UBLCP1: variants seen among roughly 807,000 people sequenced by gnomAD.
UBLCP1 encodes the protein ubiquitin like domain containing CTD phosphatase 1, also known as ubiquitin-like domain-containing CTD phosphatase 1.
Under a neutral mutation model 42.4 loss-of-function variants are expected in UBLCP1, and 28 were observed. That is an observed-to-expected ratio of 0.66 (90% CI 0.49 to 0.90). The LOEUF (loss-of-function observed/expected upper bound fraction) is 0.90, where lower values mean the gene tolerates loss of function less well. UBLCP1 is among the 40% of genes least tolerant of loss of function. The probability of loss-of-function intolerance (pLI) is 0.00; values close to 1 mark genes in which losing one functional copy is unlikely to be tolerated. For synonymous variants in UBLCP1, 122 were observed against 120.8 expected (o/e 1.01, Z -0.07); for missense variants, 279 against 374.5 (o/e 0.75, Z 2.10).
chr5:159,278,596 G>A (rs947178576), intron 9 of UBLCP1, among the ~76,000 whole-genome samples: 11 of 151,826 alleles, frequency 7.2e-5, no homozygotes, highest in East Asian at 5.8e-4. Flanking sequence ...TTTTTGAGAC[G>A]GGATCTCACT....
At chr5:159,280,507 T>G (rs1753595671) in intron 9 of UBLCP1, among the ~76,000 whole-genome samples, 1 of 152,206 alleles carries the variant, frequency 6.6e-6, no homozygotes. Context: ...TTCGCCATGT[T>G]GCCTAGGCTG....
In UBLCP1 at chr5:159,285,461, A is replaced by AT. The variant is rs895501067; in HGVS notation, c.*536dup. The AT allele has an allele frequency of 1.3e-5, 2 of 152,942 alleles. No homozygotes were observed. Among genetic ancestry groups the AT allele is most frequent in the African/African-American group, 4.8e-5 (2 of 41,412 alleles). 9.5% of individuals were successfully genotyped at this position (152,942 alleles called of 1,614,324 possible). On this transcript the variant is annotated 3_prime_UTR_variant, in exon 11 of 11. Transcript: ENST00000296786. ...TTTGCTATGCTTAAAATTACCAAGA[A>AT]TTTTTTATTTCTTTGTCATAGACAC...
intron 6 of UBLCP1, among the ~76,000 whole-genome samples, chr5:159,272,998 C>A (rs1487100934): frequency 6.6e-6 from 1 of 152,152 alleles, no homozygotes; most frequent in African/African-American, 2.4e-5. Context: ...TAAATGAAGT[C>A]CCATCAAGTA....
chr5:159,269,184 A>G (rs1328625844), intron 2 of UBLCP1, 115 bp downstream of exon 2: 2 of 752,960 alleles, frequency 2.7e-6, no homozygotes, highest in Admixed American at 8.5e-5. Context: ...TAGTTTAGTA[A>G]GTCTCTCCCT....
chr5:159,265,632 G>T (rs949145974), intron 1 of UBLCP1, among the ~76,000 whole-genome samples: 1 of 152,146 alleles, frequency 6.6e-6, no homozygotes, highest in Non-Finnish European at 1.5e-5. Context: ...CATGGGGGCC[G>T]ATTTTTCCCG....
chr5:159,285,908 T>A lies in UBLCP1; in HGVS notation c.*977T>A, dbSNP rs1201066688. Reference sequence around the variant, plus strand: ...CAGATACGTAATGTGACCACTGTTTTGTGTTGACAATATTGCTTTATACAG... The same window carrying A: ...CAGATACGTAATGTGACCACTGTTTAGTGTTGACAATATTGCTTTATACAG... On this transcript the variant is annotated 3_prime_UTR_variant, in exon 11 of 11. Transcript: ENST00000296786. 1.3e-5 allele frequency: 2 copies of A among 152,788 alleles called. No individual in the cohort carries two copies. The highest frequency in any genetic ancestry group is 2.9e-5 in the Non-Finnish European group (2 of 68,030). 9.5% of individuals were successfully genotyped at this position (152,788 alleles called of 1,614,324 possible). A position where few individuals can be genotyped will look rare whatever the true frequency, so the allele number is the denominator to read the frequency against.
chr5:159,285,751 C>A lies in UBLCP1; in HGVS notation c.*820C>A, dbSNP rs1157363882. On this transcript the variant is annotated 3_prime_UTR_variant, in exon 11 of 11. Transcript: ENST00000296786. ...TTTTAAAAGGGACATATCACTGATT[C>A]ATTCCTAAAAAGCATGAACAAAAAG... 1.3e-5 allele frequency: 2 copies of A among 152,650 alleles called. No homozygotes were observed. Among genetic ancestry groups the A allele is most frequent in the Admixed American group, 1.3e-4 (2 of 15,272 alleles). The allele number at this position is 152,650 out of a possible 1,614,324, so 9.5% of individuals were successfully genotyped here.
At position 159,283,909 on chromosome 5, in the gene UBLCP1, G is replaced by A. The variant is rs532828386; in HGVS notation, c.929+570G>A. ...AATGTTTGCACAAATCTATATAGAC[G>A]TTGCCTATAAACATCAAGGTTTTGA... is the stretch of plus-strand genomic sequence containing the variant. On this transcript the variant is annotated intron_variant, in intron 10 of 10. Transcript: ENST00000296786. Among the ~76,000 whole-genome samples, 10 of 152,016 alleles carry A rather than the reference G, an allele frequency of 6.6e-5. No homozygotes were observed. In the South Asian group the frequency reaches 2.1e-3, roughly 32 times the overall value.
In UBLCP1 at chr5:159,268,994, G is replaced by T; in HGVS notation, c.79G>T (p.Asp27Tyr). 2 of 1,611,038 alleles carry T rather than the reference G, an allele frequency of 1.2e-6. No homozygotes were observed. The highest frequency in any genetic ancestry group is 1.7e-6 in the Non-Finnish European group (2 of 1,178,896). Reference protein sequence around the residue: ...TTLSEDDTVLDLKQFLKTLTG... With the variant: ...TTLSEDDTVLYLKQFLKTLTG... ...ACTTTCAGAAGATGATACTGTGCTCGATCTCAAACAGTTTCTCAAGACCCT... is the reference window on the plus strand; with the variant it reads ...ACTTTCAGAAGATGATACTGTGCTCTATCTCAAACAGTTTCTCAAGACCCT... The change falls in exon 2 of 11, where the codon GAT becomes TAT. Residue 27 changes from aspartate to tyrosine, a missense_variant. By Grantham distance (160) the Asp-to-Tyr change is radical (BLOSUM62 -3). Coordinates refer to ENST00000296786, the MANE Select transcript of UBLCP1 (RefSeq NM_145049.5).
At chr5:159,276,982 G>A (rs540747433) in intron 8 of UBLCP1, among the ~76,000 whole-genome samples, 2 of 152,146 alleles carry the variant, frequency 1.3e-5, no homozygotes, top group Middle Eastern at 3.4e-3. Flanking sequence ...AAAGTAGTTT[G>A]TGTTTTGGGG....
intron 1 of UBLCP1, 112 bp from the exon 2 acceptor site, chr5:159,268,758 C>G (rs1753427506): frequency 1.4e-6 from 1 of 729,358 alleles, no homozygotes; most frequent in African/African-American, 1.9e-5. Flanking sequence ...GACAAAAATC[C>G]TCTCTATCAT....
chr5:159,276,117 T>A (rs1314255500), intron 8 of UBLCP1, among the ~76,000 whole-genome samples: 4 of 152,146 alleles, frequency 2.6e-5, no homozygotes, highest in Admixed American at 6.5e-5. Context: ...ACAGTCCATA[T>A]CATTTGAAAG....
At chr5:159,268,409 A>C (rs2113310664) in intron 1 of UBLCP1, among the ~76,000 whole-genome samples, 1 of 152,364 alleles carries the variant, frequency 6.6e-6, no homozygotes, top group Non-Finnish European at 1.5e-5. Flanking sequence ...AAACCTAGAC[A>C]CTGAGAGTCA....
chr5:159,284,310 A>G lies in UBLCP1; in HGVS notation c.930-594A>G, dbSNP rs189728546. Among the ~76,000 whole-genome samples, 91 of 152,262 alleles carry G rather than the reference A, an allele frequency of 6.0e-4. 1 individual carries two copies. Among genetic ancestry groups the G allele is most frequent in the African/African-American group, 2.2e-3 (90 of 41,562 alleles). On this transcript the variant is annotated intron_variant, in intron 10 of 10. Coordinates refer to ENST00000296786, the MANE Select transcript of UBLCP1 (RefSeq NM_145049.5). ...CTCTTTCCCCATCCCCACACCACCA[A>G]TTATAGTAGTTTGTAAATGTTAGAA...
At chr5:159,272,376 A>G (rs957659817) in intron 6 of UBLCP1, among the ~76,000 whole-genome samples, 1 of 152,024 alleles carries the variant, frequency 6.6e-6, no homozygotes, top group African/African-American at 2.4e-5. Flanking sequence ...AATTTTCCCA[A>G]TGACCCCACC....
chr5:159,279,538 GAC>G (rs745781290), intron 9 of UBLCP1, among the ~76,000 whole-genome samples: 6 of 138,878 alleles, frequency 4.3e-5, no homozygotes, highest in Non-Finnish European at 8.2e-5. Context: ...AGTTTTAAAA[GAC>G]AAGAGAGAAA....
chr5:159,283,850 G>A (rs1432912620), intron 10 of UBLCP1, among the ~76,000 whole-genome samples: 1 of 152,044 alleles, frequency 6.6e-6, no homozygotes, highest in Non-Finnish European at 1.5e-5. Flanking sequence ...TTACCATCTT[G>A]GTATATAGTC....
chr5:159,269,113 T>C (rs1753433657), intron 2 of UBLCP1, 44 bp downstream of exon 2: 9 of 1,378,048 alleles, frequency 6.5e-6, no homozygotes, highest in Admixed American at 2.7e-5. Flanking sequence ...GAATTTTTAG[T>C]ATTATGAATT....
chr5:159,274,271 AGAGT>A (rs1753507502), intron 6 of UBLCP1: 1 of 210,860 alleles, frequency 4.7e-6, no homozygotes, highest in Non-Finnish European at 9.4e-6. Context: ...TGGAATTGAT[AGAGT>A]GTCAGGGCTG....
Sources: allele counts gnomAD v4.1 joint callset (sites outside exome capture counted in the v4.1 genomes callset), GRCh38; gene constraint gnomAD v4.1.1; transcripts MANE v1.5; gene names NCBI Gene and HGNC (gene_info 2026-07-23, HGNC 2026-07-21).